NAV3: variants seen among roughly 807,000 people sequenced by gnomAD.
NAV3 encodes the protein neuron navigator 3.
In NAV3, 87 loss-of-function variants were observed where a neutral mutation model predicts 244.7. The observed-to-expected ratio is 0.36, with a 90% CI of 0.30 to 0.42. NAV3 has a LOEUF of 0.42. Among genes scored for constraint, NAV3 ranks in the 20% least tolerant of loss-of-function variants. The pLI is 1.00. For synonymous variants in NAV3, 1,126 were observed against 1,042.2 expected, an observed-to-expected ratio of 1.08 and a Z score of -1.55; for missense variants, 2,663 against 2,893.3, an observed-to-expected ratio of 0.92 and a Z score of 1.83.
intron 11 of NAV3, among the ~76,000 whole-genome samples, chr12:78,051,747 G>T (rs1882795122): frequency 6.6e-6 from 1 of 152,076 alleles, no homozygotes; most frequent in Non-Finnish European, 1.5e-5. Flanking sequence ...TTAACAATTT[G>T]GGATATTTGG....
intron 1 of NAV3, among the ~76,000 whole-genome samples, chr12:77,921,547 T>G (rs989165077): frequency 4.6e-5 from 7 of 152,044 alleles, no homozygotes; most frequent in African/African-American, 1.7e-4. Flanking sequence ...AGAACTGCAG[T>G]TTGGAACCGA....
intron 1 of NAV3, among the ~76,000 whole-genome samples, chr12:77,835,466 GT>G (rs1383136194): frequency 1.3e-5 from 2 of 152,138 alleles, no homozygotes; most frequent in African/African-American, 4.8e-5. Flanking sequence ...TCAGAAATGT[GT>G]GTTCAGTTGT....
At chr12:78,001,710 A>C (rs1386434494) in intron 7 of NAV3, among the ~76,000 whole-genome samples, 1 of 152,228 alleles carries the variant, frequency 6.6e-6, no homozygotes, top group Non-Finnish European at 1.5e-5. Flanking sequence ...AAATATCAGC[A>C]CACATTGTAG....
chr12:78,210,360 C>T (rs2140137733), intron 39 of NAV3, 38 bp from the exon 40 acceptor site: 2 of 1,612,318 alleles, frequency 1.2e-6, no homozygotes, highest in African/African-American at 1.3e-5. Context: ...TTACTCAATG[C>T]ATCATTGCCT....
intron 19 of NAV3, among the ~76,000 whole-genome samples, 194 bp from the exon 20 acceptor site, chr12:78,140,088 A>G (rs891131055): frequency 6.6e-6 from 1 of 152,102 alleles, no homozygotes; most frequent in African/African-American, 2.4e-5. Flanking sequence ...TACTTTAGGG[A>G]GTATGGATGG....
chr12:78,148,973 G>A (rs2139229854), intron 22 of NAV3, 54 bp downstream of exon 22: 2 of 1,430,300 alleles, frequency 1.4e-6, no homozygotes, highest in Non-Finnish European at 1.9e-6. Context: ...AGAGGAAAAT[G>A]AAATCATTTT....
Position 77,645,914 on chromosome 12 carries a change from G to A in NAV3, c.72+73648G>A, listed in dbSNP as rs546045826. ...AGGCTAGGACACTGTATCAGGCAAA[G>A]TGATGCTTTGTGGGCATGTTGGAGT... On this transcript the variant is annotated intron_variant, in intron 2 of 8. Transcript: ENST00000550042. Among the ~76,000 whole-genome samples the A allele has an allele frequency of 3.7e-3, 557 of 152,236 alleles. 3 individuals carry two copies. Among genetic ancestry groups the A allele is most frequent in the African/African-American group, 0.013 (523 of 41,550 alleles).
At position 78,021,882 on chromosome 12, in the gene NAV3, C is replaced by T. The variant is rs1252799789; in HGVS notation, c.2023+20C>T. Reference sequence around the variant, plus strand: ...TATCTGGTAAGTGACCTCATCGATGCATAGGTCAAACCTAGGAATTTCCGT... The same window carrying T: ...TATCTGGTAAGTGACCTCATCGATGTATAGGTCAAACCTAGGAATTTCCGT... On this transcript the variant is annotated intron_variant, in intron 9 of 39. Coordinates refer to ENST00000397909, the MANE Select transcript of NAV3 (RefSeq NM_001024383.2). 34 of 1,461,908 alleles carry T rather than the reference C, an allele frequency of 2.3e-5. No homozygotes were observed. The highest frequency in any genetic ancestry group is 3.2e-5 in the Non-Finnish European group (34 of 1,051,710). The allele number at this position is 1,461,908 out of a possible 1,614,324, so 90.6% of individuals were successfully genotyped here. A position where few individuals can be genotyped will look rare whatever the true frequency, so the allele number is the denominator to read the frequency against.
At chr12:77,776,120 T>C (rs1397090264) in intron 2 of NAV3, among the ~76,000 whole-genome samples, 2 of 152,200 alleles carry the variant, frequency 1.3e-5, no homozygotes, top group South Asian at 2.1e-4. Context: ...ATGTGTTACT[T>C]ATAAAATTCA....
intron 9 of NAV3, chr12:78,037,060 G>T (rs769281559): frequency 7.1e-6 from 5 of 702,778 alleles, no homozygotes; most frequent in Non-Finnish European, 1.3e-5. Flanking sequence ...GCAGAGCGGC[G>T]CTCACTGTCC....
intron 9 of NAV3, among the ~76,000 whole-genome samples, chr12:78,031,311 A>G (rs765762589): frequency 5.9e-5 from 9 of 152,106 alleles, no homozygotes; most frequent in Non-Finnish European, 1.3e-4. Context: ...CCATTGCCCC[A>G]TCTTCTGATA....
chr12:77,674,233 A>G (rs12301504), intron 2 of NAV3, among the ~76,000 whole-genome samples: 1 of 152,264 alleles, frequency 6.6e-6, no homozygotes, highest in East Asian at 1.9e-4. Flanking sequence ...ACTAAAAAGA[A>G]GTTTGTAATA....
chr12:77,886,495 T>C (rs1311101920), intron 1 of NAV3, among the ~76,000 whole-genome samples: 2 of 152,168 alleles, frequency 1.3e-5, no homozygotes, highest in Non-Finnish European at 2.9e-5. Context: ...AGTTGTAGAT[T>C]ATTTCAATTT....
intron 2 of NAV3, among the ~76,000 whole-genome samples, chr12:77,816,072 GA>G (rs1018204125): frequency 6.6e-6 from 1 of 152,064 alleles, no homozygotes; most frequent in African/African-American, 2.4e-5. Context: ...AGCCTGATGG[GA>G]AAAAAATTAA....
Position 78,193,035 on chromosome 12 carries a change from T to G in NAV3, c.6291+2816T>G, listed in dbSNP as rs300505. The stretch of plus-strand genomic sequence containing the variant: ...AACATGATAATGAGGCATGAAATAA[T>G]AAATCCTGTTCCTGAAAACCTGGAG... On this transcript the variant is annotated intron_variant, in intron 34 of 39. Transcript: ENST00000397909. Among the ~76,000 whole-genome samples the G allele has an allele frequency of 8.3e-3, 1,262 of 152,238 alleles. 11 individuals carry two copies. The highest frequency in any genetic ancestry group is 0.013 in the Non-Finnish European group (895 of 68,012).
At position 77,690,370 on chromosome 12, in the gene NAV3, T is replaced by G. The variant is rs541172157; in HGVS notation, c.72+118104T>G. ...TGAATTTGGAACATTAAAAGGCTAC[T>G]AACATTTTCTAGAAAATTCATTGTT... On this transcript the variant is annotated intron_variant, in intron 2 of 8. Coordinates refer to the NAV3 transcript ENST00000550042. Among the ~76,000 whole-genome samples, 3 of 151,958 alleles carry G rather than the reference T, an allele frequency of 2.0e-5. No homozygotes were observed. In the East Asian group the frequency reaches 5.8e-4, roughly 29 times the overall value.
chr12:77,810,369 C>T (rs1388813570), intron 2 of NAV3, among the ~76,000 whole-genome samples: 4 of 152,140 alleles, frequency 2.6e-5, no homozygotes, highest in Non-Finnish European at 5.9e-5. Flanking sequence ...CATGGGGTTT[C>T]ACTGTGTTAG....
intron 1 of NAV3, among the ~76,000 whole-genome samples, chr12:77,905,686 A>G (rs935466460): frequency 1.4e-4 from 21 of 152,172 alleles, no homozygotes; most frequent in Admixed American, 1.1e-3. Context: ...GTAAATGACA[A>G]TACAACCCAC....
chr12:77,691,329 G>GTGTATATATATATATATATA (rs1555195177), intron 2 of NAV3, among the ~76,000 whole-genome samples: 1 of 66,690 alleles, frequency 1.5e-5, no homozygotes, highest in African/African-American at 5.4e-5. Context: ...AAGTATTTGT[G>GTGTATATATATATATATATA]TATGTGTGTA....
Sources: allele counts gnomAD v4.1 joint callset (sites outside exome capture counted in the v4.1 genomes callset), GRCh38; gene constraint gnomAD v4.1.1; transcripts MANE v1.5; gene names NCBI Gene and HGNC (gene_info 2026-07-23, HGNC 2026-07-21).